TECPR1: variants seen among roughly 807,000 people sequenced by gnomAD.
TECPR1 encodes the protein tectonin beta-propeller repeat-containing protein 1.
TECPR1 carries 122 observed loss-of-function variants against 162.4 expected under a neutral mutation model. The observed-to-expected ratio is 0.75, with a 90% CI of 0.65 to 0.87. The LOEUF is 0.87. Among genes scored for constraint, TECPR1 ranks in the 40% least tolerant of loss-of-function variants. The probability of loss-of-function intolerance (pLI) is 0.00; values close to 1 mark genes in which losing one functional copy is unlikely to be tolerated. For synonymous variants in TECPR1, 642 were observed against 670.6 expected (o/e 0.96, Z 0.66); for missense variants, 1,432 against 1,618.2 (o/e 0.88, Z 1.97).
intron 16 of TECPR1, chr7:98,228,794 G>C: frequency 2.1e-6 from 1 of 467,146 alleles, no homozygotes; most frequent in South Asian, 4.1e-5. Context: ...GAAAATGAGA[G>C]GCTGGACATG....
At chr7:98,245,512 G>A (rs1418080530) in intron 3 of TECPR1, among the ~76,000 whole-genome samples, 1 of 152,158 alleles carries the variant, frequency 6.6e-6, no homozygotes, top group Non-Finnish European at 1.5e-5. Context: ...TTGCTCTGTT[G>A]CCCAGGCTGG....
At chr7:98,246,968 T>C (rs560293590) in intron 2 of TECPR1, among the ~76,000 whole-genome samples, 1 of 151,280 alleles carries the variant, frequency 6.6e-6, no homozygotes, top group Admixed American at 6.6e-5. Context: ...TGAAACCTCA[T>C]CTCTACTAAA....
In TECPR1 at chr7:98,217,747, CGATG is replaced by C. The variant is rs1562931346; in HGVS notation, c.3325_3328del (p.His1109AlafsTer114). 1 of 1,550,548 alleles carries C rather than the reference CGATG, an allele frequency of 6.4e-7. No homozygotes were observed. The highest frequency in any genetic ancestry group is 8.7e-7 in the Non-Finnish European group (1 of 1,146,922). On this transcript the variant is annotated frameshift_variant, in exon 25 of 26. Transcript: ENST00000447648. LOFTEE classifies it high-confidence loss of function. ...GGGCTCGTGAGGCTGCACGCCGGTG[CGATG>C]ACACACTGTCCCCCGGCTCAGGCTG...
chr7:98,218,114 C>G, intron 23 of TECPR1, 72 bp from the exon 24 acceptor site: 1 of 1,301,382 alleles, frequency 7.7e-7, no homozygotes, highest in South Asian at 1.3e-5. Context: ...GCCCGGCAGC[C>G]GGTGGCCAGG....
Position 98,246,270 on chromosome 7 carries a change from C to CTTTTTTTT in TECPR1, c.-19-113_-19-106dup, listed in dbSNP as rs36097167. 1.9e-5 allele frequency: 10 copies of CTTTTTTTT among 524,138 alleles called. No homozygotes were observed. In the African/African-American group the frequency reaches 2.0e-4, roughly 11 times the overall value. 32.5% of individuals were successfully genotyped at this position (524,138 alleles called of 1,614,324 possible). A position where few individuals can be genotyped will look rare whatever the true frequency, so the allele number is the denominator to read the frequency against. On this transcript the variant is annotated intron_variant, in intron 2 of 25. Coordinates refer to ENST00000447648, the MANE Select transcript of TECPR1 (RefSeq NM_015395.3). The stretch of plus-strand genomic sequence containing the variant: ...TACTGTGACTATTTATTCTTTTTCT[C>CTTTTTTTT]TTTTTTTTTTTTTTTAGATGGAGTC...
intron 17 of TECPR1, 105 bp downstream of exon 17, chr7:98,227,909 C>T (rs1325748274): frequency 2.3e-6 from 2 of 852,240 alleles, no homozygotes; most frequent in African/African-American, 1.7e-5. Context: ...GGCCTGACAC[C>T]AGGCTCTACT....
chr7:98,243,737 G>T, intron 5 of TECPR1, 145 bp from the exon 6 acceptor site: 1 of 1,131,030 alleles, frequency 8.8e-7, no homozygotes, highest in Non-Finnish European at 1.2e-6. Flanking sequence ...GCAGCATCAG[G>T]ACTGTGGGGG....
At chr7:98,223,297 G>A in intron 20 of TECPR1, 127 bp from the exon 21 acceptor site, 2 of 949,366 alleles carry the variant, frequency 2.1e-6, no homozygotes, top group Non-Finnish European at 3.1e-6. Context: ...GGGGCCCAGA[G>A]GTGGCCTCCT....
At chr7:98,250,999 C>T (rs542966475) in intron 2 of TECPR1, 1 of 152,318 alleles carries the variant, frequency 6.6e-6, no homozygotes, top group East Asian at 1.9e-4. Context: ...AGAGGCTCCC[C>T]CTAGCTCCTC....
Position 98,246,042 on chromosome 7 carries a change from G to T in TECPR1, c.105C>A (p.Phe35Leu). The T allele has an allele frequency of 6.3e-7, 1 of 1,585,400 alleles. No individual in the cohort carries two copies. Among genetic ancestry groups the T allele is most frequent in the African/African-American group, 1.3e-5 (1 of 74,406 alleles). The part of the protein sequence containing the change: ...WEMCKDSQLE[F>L]KRVSATTQCC... ...ACTGCGTGGTGGCGCTGACGCGCTTGAACTCCAGCTGGGAGTCCTTGCACA... is the reference window on the plus strand; with the variant it reads ...ACTGCGTGGTGGCGCTGACGCGCTTTAACTCCAGCTGGGAGTCCTTGCACA... Residue 35 changes from phenylalanine (F) to leucine (L), a missense_variant, in exon 3 of 26, where the codon TTC becomes TTA. By Grantham distance (22) the Phe-to-Leu change is conservative (BLOSUM62 0). Transcript: ENST00000447648.
intron 2 of TECPR1, among the ~76,000 whole-genome samples, chr7:98,246,390 C>T (rs908857103): frequency 1.3e-5 from 2 of 151,730 alleles, no homozygotes; most frequent in Non-Finnish European, 2.9e-5. Flanking sequence ...CCTCAGCCTC[C>T]CAAGTAGCTG....
intron 2 of TECPR1, among the ~76,000 whole-genome samples, chr7:98,246,695 G>A (rs1209571636): frequency 6.6e-6 from 1 of 152,048 alleles, no homozygotes; most frequent in Non-Finnish European, 1.5e-5. Context: ...GTTTTCTCCT[G>A]CCTCAGCCTC....
chr7:98,232,801 G>C lies in TECPR1; in HGVS notation c.1818+26C>G, dbSNP rs375410642. ...TGATTGCTGGAAAAAAAAAAAAAAT[G>C]CATGCGCAGCCACCGGGGCACCCAC... On this transcript the variant is annotated intron_variant, in intron 12 of 25. Transcript: ENST00000447648. The surrounding 1 kb of genome is among the most constrained non-coding windows in gnomAD (Gnocchi z 4.6). The C allele has an allele frequency of 4.0e-6, 6 of 1,510,388 alleles. No individual in the cohort carries two copies. The East Asian group carries it at 1.2e-4, about 30-fold the overall frequency. 93.6% of individuals were successfully genotyped at this position (1,510,388 alleles called of 1,614,324 possible). A position where few individuals can be genotyped will look rare whatever the true frequency, so the allele number is the denominator to read the frequency against.
rs745587530 is a variant in TECPR1 at position 98,215,137 on chromosome 7, A to G, written c.*2253T>C. On this transcript the variant is annotated 3_prime_UTR_variant, in exon 26 of 26. Transcript: ENST00000447648. ...ACAAGCAGGTCAGAGACCCACCCAC[A>G]TGCCGTTCCTGGGCTACGCCACGCG... The G allele has an allele frequency of 8.5e-5, 13 of 152,214 alleles. No individual in the cohort carries two copies. Among genetic ancestry groups the G allele is most frequent in the Admixed American group, 7.9e-4 (12 of 15,280 alleles). The allele number at this position is 152,214 out of a possible 1,614,324, so 9.4% of individuals were successfully genotyped here.
In TECPR1 at chr7:98,243,574, G is replaced by A; in HGVS notation, c.550C>T (p.Pro184Ser). ...TTGAAGGGGTCGGGCAGCTCCTTGGGGTCATCCTTCGAGGGGATCTGAAGG... is the reference window on the plus strand; with the variant it reads ...TTGAAGGGGTCGGGCAGCTCCTTGGAGTCATCCTTCGAGGGGATCTGAAGG... The part of the protein sequence containing the change: ...IWAKIPSKDD[P>S]KELPDPFNDL... The change falls in exon 6 of 26, where the codon CCC (proline) becomes TCC (serine). Residue 184 changes from proline (P) to serine (S), a missense_variant. Physicochemically the swap from Pro to Ser is moderately conservative, Grantham distance 74. Transcript: ENST00000447648. The A allele has an allele frequency of 6.2e-7, 1 of 1,612,484 alleles. No homozygotes were observed. Among genetic ancestry groups the A allele is most frequent in the South Asian group, 1.1e-5 (1 of 91,080 alleles).
In TECPR1 at chr7:98,244,973, T is replaced by A. The variant is rs770584307; in HGVS notation, c.320A>T (p.Asp107Val). ...DVSGLQHRPL[D>V]RVALPSPHWE... ...GTGCGGCGAGGGCAGTGCCACCCTG[T>A]CCAGCGGCCGGTGCTGGAGCCCACT... Residue 107 changes from aspartate to valine, a missense_variant, in exon 4 of 26, where the codon GAC becomes GTC. Transcript: ENST00000447648. 1.7e-5 allele frequency: 28 copies of A among 1,612,500 alleles called. No homozygotes were observed. The highest frequency in any genetic ancestry group is 2.3e-5 in the Non-Finnish European group (27 of 1,179,764).
In TECPR1 at chr7:98,237,223, C is replaced by T. The variant is rs961149623; in HGVS notation, c.1036-302G>A. ...TAGGAAATGAGGTTCACCTGCCTCC[C>T]TGTCTTGCGTGTGCCCTCTGGTGGG... is the stretch of plus-strand genomic sequence containing the variant. On this transcript the variant is annotated intron_variant, in intron 9 of 25. Coordinates refer to ENST00000447648, the MANE Select transcript of TECPR1 (RefSeq NM_015395.3). 3.9e-5 allele frequency among the ~76,000 whole-genome samples: 6 copies of T among 152,232 alleles called. 1 individual carries two copies. In the South Asian group the frequency reaches 6.2e-4, roughly 16 times the overall value.
At position 98,233,354 on chromosome 7, in the gene TECPR1, TCC is replaced by T. The variant is rs977568577; in HGVS notation, c.1672+65_1672+66del. 3.4e-5 allele frequency: 47 copies of T among 1,391,036 alleles called. No homozygotes were observed. In the Middle Eastern group the frequency reaches 7.6e-4, roughly 23 times the overall value. 86.2% of individuals were successfully genotyped at this position (1,391,036 alleles called of 1,614,324 possible). ...CCCGAGCCCCCTGACCCCGGCCTCC[TCC>T]CACACCCCACACCCCCAGGGCACCT... On this transcript the variant is annotated intron_variant, in intron 11 of 25. Coordinates refer to ENST00000447648, the MANE Select transcript of TECPR1 (RefSeq NM_015395.3).
chr7:98,232,681 C>T lies in TECPR1; in HGVS notation c.1818+146G>A. 2.7e-6 allele frequency: 3 copies of T among 1,108,862 alleles called. No homozygotes were observed. The highest frequency in any genetic ancestry group is 1.8e-5 in the South Asian group (1 of 55,906). 68.7% of individuals were successfully genotyped at this position (1,108,862 alleles called of 1,614,324 possible). The stretch of plus-strand genomic sequence containing the variant: ...TCAGGATGGACGAAGAAACCCTGAG[C>T]TCATTTCTCTATGCCTGCATCTGGG... On this transcript the variant is annotated intron_variant, in intron 12 of 25. Coordinates refer to ENST00000447648, the MANE Select transcript of TECPR1 (RefSeq NM_015395.3). This position sits in a 1 kb window ranked among gnomAD's most constrained non-coding sequence, Gnocchi z 4.6.
Sources: gnomAD v4.1 joint callset for allele counts (sites outside exome capture counted in the v4.1 genomes callset) on GRCh38, gnomAD v4.1.1 for gene constraint, Gnocchi (gnomAD v3.1) non-coding constraint, MANE v1.5 for transcripts, NCBI Gene and HGNC (gene_info 2026-07-23, HGNC 2026-07-21) for gene names.